RAB11FIP3: variants seen among roughly 807,000 people sequenced by gnomAD.
RAB11FIP3 encodes RAB11 family interacting protein 3, also known as rab11 family-interacting protein 3.
Under a neutral mutation model 77.8 loss-of-function variants are expected in RAB11FIP3, and 17 were observed. The observed-to-expected ratio is 0.22, with a 90% CI of 0.15 to 0.33. The LOEUF (loss-of-function observed/expected upper bound fraction) is 0.33. Ranked by LOEUF, RAB11FIP3 falls within the 10% of genes least tolerant of loss-of-function variation. The probability of loss-of-function intolerance (pLI) is 1.00; values close to 1 mark genes in which losing one functional copy is unlikely to be tolerated. For synonymous variants in RAB11FIP3, 437 were observed against 448.2 expected (o/e 0.98, Z 0.31); for missense variants, 1,005 against 1,011.2 (o/e 0.99, Z 0.08).
chr16:445,718 G>A (rs775146089), intron 1 of RAB11FIP3, among the ~76,000 whole-genome samples: 18 of 151,822 alleles, frequency 1.2e-4, no homozygotes, highest in Non-Finnish European at 2.4e-4. Flanking sequence ...GAAAATCTGG[G>A]AGCCACAGAT....
At chr16:513,161 A>G (rs370195579) in intron 9 of RAB11FIP3, among the ~76,000 whole-genome samples, 2 of 152,200 alleles carry the variant, frequency 1.3e-5, no homozygotes, top group East Asian at 1.9e-4. Flanking sequence ...AGAGTTCTCT[A>G]TCCTTCTTGT....
intron 5 of RAB11FIP3, among the ~76,000 whole-genome samples, chr16:493,792 A>T (rs1353736371): frequency 6.9e-6 from 1 of 144,290 alleles, no homozygotes; most frequent in African/African-American, 2.6e-5. Context: ...TTTTTAGTAG[A>T]CACGGGGTTT....
chr16:498,751 C>T (rs1238178459), intron 6 of RAB11FIP3, among the ~76,000 whole-genome samples: 1 of 152,158 alleles, frequency 6.6e-6, no homozygotes, highest in Admixed American at 6.5e-5. Context: ...GCAGTCCTCC[C>T]ACCTCGGTCT....
At position 505,649 on chromosome 16, in the gene RAB11FIP3, C is replaced by T. The variant is rs371907882; in HGVS notation, c.1499+22C>T. 1.2e-4 allele frequency: 190 copies of T among 1,556,924 alleles called. No homozygotes were observed. Among genetic ancestry groups the T allele is most frequent in the Non-Finnish European group, 1.5e-4 (173 of 1,154,998 alleles). On this transcript the variant is annotated intron_variant, in intron 8 of 13. Coordinates refer to ENST00000262305, the MANE Select transcript of RAB11FIP3 (RefSeq NM_014700.4). This position sits in a 1 kb window ranked among gnomAD's most constrained non-coding sequence, Gnocchi z 4.0. The stretch of plus-strand genomic sequence containing the variant: ...ACAGGTGAGCCTGGGCCAGGAGACC[C>T]GGGCCTCTGCGTGGCGCCTCCTGTG...
At position 428,503 on chromosome 16, in the gene RAB11FIP3, C is replaced by G. The variant is rs140787402; in HGVS notation, c.714+1783C>G. ...TGCTCCTTGTTACCATAACCCAACT[C>G]TTGATAGAGAACTTCTGTGAGGCTC... On this transcript the variant is annotated intron_variant, in intron 1 of 13. Transcript: ENST00000262305. 2.8e-3 allele frequency among the ~76,000 whole-genome samples: 427 copies of G among 152,242 alleles called. 4 individuals carry two copies. The highest frequency in any genetic ancestry group is 9.9e-3 in the African/African-American group (413 of 41,508).
chr16:488,224 C>CA (rs2056197551), intron 4 of RAB11FIP3, among the ~76,000 whole-genome samples: 1 of 151,908 alleles, frequency 6.6e-6, no homozygotes, highest in South Asian at 2.1e-4. Flanking sequence ...ACTAAAAATA[C>CA]AAAAAATTAG....
chr16:490,113 C>T (rs1040408302), intron 5 of RAB11FIP3, among the ~76,000 whole-genome samples: 5 of 152,236 alleles, frequency 3.3e-5, no homozygotes, highest in Non-Finnish European at 7.3e-5. Flanking sequence ...TCAGTGTTTT[C>T]ATTGTTACCT....
In RAB11FIP3 at chr16:426,435, C is replaced by T. The variant is rs1159589906; in HGVS notation, c.429C>T (p.Phe143=). Residue 143 remains phenylalanine, a synonymous_variant, in exon 1 of 14, where the codon TTC becomes TTT. Transcript: ENST00000262305. The surrounding 1 kb of genome is among the most constrained non-coding windows in gnomAD (Gnocchi z 5.0). ...CGAGCTGCCCGGAGAGCGCGCCTTTCCGCTTGCAGGGGTCCAGCAGCAGCC... is the reference window on the plus strand; with the variant it reads ...CGAGCTGCCCGGAGAGCGCGCCTTTTCGCTTGCAGGGGTCCAGCAGCAGCC... ...GPASCPESAP[F]RLQGSSSSHR... 4 of 1,585,178 alleles carry T rather than the reference C, an allele frequency of 2.5e-6. No homozygotes were observed. The highest frequency in any genetic ancestry group is 2.6e-6 in the Non-Finnish European group (3 of 1,167,254).
chr16:497,098 G>C, intron 6 of RAB11FIP3: 1 of 544,914 alleles, frequency 1.8e-6, no homozygotes, highest in South Asian at 2.0e-5. Flanking sequence ...TTTGGTGCTG[G>C]GCCTCTTGTG....
At chr16:463,563 C>T (rs753601117) in intron 2 of RAB11FIP3, among the ~76,000 whole-genome samples, 1 of 151,706 alleles carries the variant, frequency 6.6e-6, no homozygotes, top group Non-Finnish European at 1.5e-5. Context: ...CTCAGCCTCC[C>T]GAGTACCTGG....
intron 5 of RAB11FIP3, among the ~76,000 whole-genome samples, chr16:496,482 C>T (rs1007847357): frequency 4.6e-5 from 7 of 152,188 alleles, no homozygotes; most frequent in African/African-American, 1.7e-4. Context: ...GAAGGCCAAG[C>T]GTTTGGGGGT....
chr16:425,996 C>G lies in RAB11FIP3; in HGVS notation c.-11C>G, dbSNP rs1465143420. 1.0e-6 allele frequency: 1 copy of G among 977,560 alleles called. No individual in the cohort carries two copies. The highest frequency in any genetic ancestry group is 1.2e-6 in the Non-Finnish European group (1 of 823,122). The allele number at this position is 977,560 out of a possible 1,614,324, so 60.6% of individuals were successfully genotyped here. ...GCCCGCGCCCTTCCGCACCACTAGC[C>G]TCTCGGGAGCATGGCGTCGGCCCCG... On this transcript the variant is annotated 5_prime_UTR_variant, in exon 1 of 14. Coordinates refer to ENST00000262305, the MANE Select transcript of RAB11FIP3 (RefSeq NM_014700.4).
intron 8 of RAB11FIP3, 85 bp from the exon 9 acceptor site, chr16:510,575 A>T: frequency 1.4e-6 from 2 of 1,441,710 alleles, no homozygotes; most frequent in Admixed American, 5.1e-5. Context: ...GGTTCTCTGG[A>T]GGTCCTGAGG....
At chr16:448,866 G>C (rs942869714) in intron 1 of RAB11FIP3, among the ~76,000 whole-genome samples, 1 of 152,200 alleles carries the variant, frequency 6.6e-6, no homozygotes, top group African/African-American at 2.4e-5. Context: ...GGTGAGCCAA[G>C]ATCGCACCAC....
At chr16:464,472 G>C in intron 2 of RAB11FIP3, among the ~76,000 whole-genome samples, 1 of 152,184 alleles carries the variant, frequency 6.6e-6, no homozygotes, top group Admixed American at 6.5e-5. Context: ...TGGAAAGTCT[G>C]GTTCTCCTCA....
intron 1 of RAB11FIP3, among the ~76,000 whole-genome samples, chr16:436,534 T>C (rs1022080734): frequency 2.0e-5 from 3 of 152,066 alleles, no homozygotes; most frequent in African/African-American, 7.2e-5. Flanking sequence ...CAGGGTGGAG[T>C]GCAGTGGCAT....
intron 9 of RAB11FIP3, among the ~76,000 whole-genome samples, chr16:515,897 C>T (rs528431431): frequency 7.2e-5 from 11 of 152,220 alleles, no homozygotes; most frequent in Non-Finnish European, 1.2e-4. Flanking sequence ...CTGGATCACA[C>T]CCATCCCCAC....
chr16:462,840 A>ACGATCCCTTCC (rs2055637603), intron 2 of RAB11FIP3, among the ~76,000 whole-genome samples: 1 of 144,392 alleles, frequency 6.9e-6, no homozygotes, highest in Admixed American at 6.9e-5. Flanking sequence ...CTTCCCCAGC[A>ACGATCCCTTCC]CCATCCCTTC....
intron 4 of RAB11FIP3, among the ~76,000 whole-genome samples, chr16:486,579 G>C (rs900953954): frequency 6.6e-6 from 1 of 152,212 alleles, no homozygotes; most frequent in Non-Finnish European, 1.5e-5. Context: ...TAGCTAGCGC[G>C]GCTCATCTTC....
Sources: allele counts gnomAD v4.1 joint callset (sites outside exome capture counted in the v4.1 genomes callset), GRCh38; gene constraint gnomAD v4.1.1; non-coding constraint Gnocchi (gnomAD v3.1); transcripts MANE v1.5; gene names NCBI Gene and HGNC (gene_info 2026-07-23, HGNC 2026-07-21).